The following ARHGEF37 variants were observed in gnomAD, a reference collection of about 807,000 sequenced individuals.
The protein encoded by ARHGEF37 is Rho guanine nucleotide exchange factor 37.
ARHGEF37 carries 55 observed loss-of-function variants against 71.1 expected under a neutral mutation model. The observed-to-expected ratio is 0.77, with a 90% CI of 0.62 to 0.97. The LOEUF (loss-of-function observed/expected upper bound fraction) is 0.97. ARHGEF37 is among the 50% of genes least tolerant of loss of function. The pLI is 0.00. For synonymous variants in ARHGEF37, 327 were observed against 350.6 expected (o/e 0.93, Z 0.75); for missense variants, 765 against 836.8 (o/e 0.91, Z 1.06).
At chr5:149,555,903 C>T (rs1182663813) in intron 1 of ARHGEF37, among the ~76,000 whole-genome samples, 2 of 151,830 alleles carry the variant, frequency 1.3e-5, no homozygotes, top group African/African-American at 2.4e-5. Context: ...ATAGGAGGAT[C>T]GCTTGAGGCC....
chr5:149,598,341 CTT>C (rs2113307140), intron 2 of ARHGEF37, among the ~76,000 whole-genome samples: 1 of 134,954 alleles, frequency 7.4e-6, no homozygotes, highest in East Asian at 2.3e-4. Context: ...TCCTCTTCCT[CTT>C]CCTCTTCTTC....
chr5:149,586,387 G>A (rs571154957), intron 1 of ARHGEF37, among the ~76,000 whole-genome samples: 5 of 152,216 alleles, frequency 3.3e-5, no homozygotes, highest in East Asian at 1.9e-4. Context: ...TCAGCCTCCC[G>A]AGCTGGGACT....
At chr5:149,553,393 C>T (rs2113222968) in intron 1 of ARHGEF37, among the ~76,000 whole-genome samples, 1 of 151,768 alleles carries the variant, frequency 6.6e-6, no homozygotes, top group South Asian at 2.1e-4. Flanking sequence ...AGCGAGACTC[C>T]ACTCCATCTA....
At chr5:149,573,443 C>T (rs1176176755) in intron 1 of ARHGEF37, among the ~76,000 whole-genome samples, 2 of 152,178 alleles carry the variant, frequency 1.3e-5, no homozygotes, top group Non-Finnish European at 2.9e-5. Flanking sequence ...ACTTCATTCA[C>T]GTCACTGCTA....
intron 1 of ARHGEF37, among the ~76,000 whole-genome samples, chr5:149,554,906 G>A (rs1009329243): frequency 6.6e-6 from 1 of 152,096 alleles, no homozygotes; most frequent in Non-Finnish European, 1.5e-5. Flanking sequence ...GCCAAGGCAG[G>A]CGGATCACAA....
intron 1 of ARHGEF37, among the ~76,000 whole-genome samples, chr5:149,597,093 G>C (rs1223601581): frequency 2.0e-5 from 3 of 152,112 alleles, no homozygotes; most frequent in Admixed American, 1.3e-4. Flanking sequence ...AAATGGGGTA[G>C]CTGGTGGGAT....
intron 3 of ARHGEF37, among the ~76,000 whole-genome samples, chr5:149,608,610 A>G (rs1763982716): frequency 6.6e-6 from 1 of 151,818 alleles, no homozygotes; most frequent in Non-Finnish European, 1.5e-5. Context: ...TGACCTCGTG[A>G]TCCACCCGTC....
intron 1 of ARHGEF37, among the ~76,000 whole-genome samples, chr5:149,589,945 G>A (rs373109233): frequency 5.3e-5 from 8 of 152,238 alleles, no homozygotes; most frequent in African/African-American, 1.9e-4. Flanking sequence ...GGGATTACAG[G>A]CATGATCCAC....
intron 1 of ARHGEF37, among the ~76,000 whole-genome samples, chr5:149,570,072 C>A (rs1283101048): frequency 6.6e-6 from 1 of 152,084 alleles, no homozygotes; most frequent in African/African-American, 2.4e-5. Context: ...AGAAAAGATA[C>A]ACAAAGCATA....
chr5:149,598,761 T>TATATATAGATAGATAG (rs1554122094), intron 2 of ARHGEF37, among the ~76,000 whole-genome samples: 1 of 75,796 alleles, frequency 1.3e-5, no homozygotes, highest in African/African-American at 4.9e-5. Flanking sequence ...TATATATAGA[T>TATATATAGATAGATAG]ATAGATATAG....
Position 149,634,811 on chromosome 5 carries a change from A to G in ARHGEF37, c.*2620A>G, listed in dbSNP as rs1334412005. ...CCCTTGCCTCCTGTGATGGAGTGAG[A>G]ACTCTTAAACCCCTCAGGCCCCAAC... On this transcript the variant is annotated 3_prime_UTR_variant, in exon 13 of 13. Coordinates refer to ENST00000333677, the MANE Select transcript of ARHGEF37 (RefSeq NM_001001669.3). 1 of 152,622 alleles carries G rather than the reference A, an allele frequency of 6.6e-6. No individual in the cohort carries two copies. Among genetic ancestry groups the G allele is most frequent in the Non-Finnish European group, 1.5e-5 (1 of 68,040 alleles). 9.5% of individuals were successfully genotyped at this position (152,622 alleles called of 1,614,324 possible).
At chr5:149,595,684 G>T (rs1763525524) in intron 1 of ARHGEF37, among the ~76,000 whole-genome samples, 2 of 152,058 alleles carry the variant, frequency 1.3e-5, no homozygotes, top group Admixed American at 1.3e-4. Flanking sequence ...TTCAGGACAT[G>T]GTTATCTGTG....
Position 149,609,624 on chromosome 5 carries a change from G to T in ARHGEF37, c.387G>T (p.Leu129Phe). The T allele has an allele frequency of 1.9e-6, 3 of 1,613,592 alleles. No individual in the cohort carries two copies. Among genetic ancestry groups the T allele is most frequent in the Non-Finnish European group, 2.5e-6 (3 of 1,180,032 alleles). ...ACTGTGCCAGCTACGACCAGGCCTT[G>T]CTACTGGTGGACACGTACCGGAAGG... ...KVYCASYDQALLLVDTYRKEP... is the reference protein window; with the variant it reads ...KVYCASYDQAFLLVDTYRKEP... The change falls in exon 4 of 13, where the codon TTG becomes TTT. Residue 129 changes from leucine to phenylalanine, a missense_variant. Leu to Phe is a conservative substitution (Grantham distance 22). Around this residue, in one of 5 missense-constraint regions of ARHGEF37, gnomAD observed 201 missense variants for 217.5 expected, o/e 0.92. Transcript: ENST00000333677.
At chr5:149,604,269 A>C (rs997791359) in intron 3 of ARHGEF37, among the ~76,000 whole-genome samples, 1 of 152,230 alleles carries the variant, frequency 6.6e-6, no homozygotes, top group Non-Finnish European at 1.5e-5. Context: ...GTTTCCAGTT[A>C]AAATATGGGA....
intron 1 of ARHGEF37, among the ~76,000 whole-genome samples, chr5:149,566,532 A>C (rs1762901887): frequency 1.4e-5 from 2 of 139,774 alleles, no homozygotes; most frequent in Non-Finnish European, 1.6e-5. Context: ...AACCAACCAA[A>C]CAACAACAAC....
At chr5:149,561,166 G>C (rs1020780159) in intron 1 of ARHGEF37, among the ~76,000 whole-genome samples, 1 of 151,696 alleles carries the variant, frequency 6.6e-6, no homozygotes, top group South Asian at 2.1e-4. Flanking sequence ...CCAGCTACTC[G>C]GGAGGCTGAG....
rs1752498516 is a variant in ARHGEF37 at position 149,620,217 on chromosome 5, A to G, written c.895-137A>G. 1.8e-5 allele frequency: 10 copies of G among 563,416 alleles called. No homozygotes were observed. In the South Asian group the frequency reaches 2.8e-4, roughly 16 times the overall value. 34.9% of individuals were successfully genotyped at this position (563,416 alleles called of 1,614,324 possible). The stretch of plus-strand genomic sequence containing the variant: ...ATCACTTAAGCTGTGTGAGAATAGA[A>G]TCAGCTGTGTGTGTCCCTCTCATTG... On this transcript the variant is annotated intron_variant, in intron 7 of 12. Transcript: ENST00000333677.
chr5:149,602,984 G>GT (rs1419678422), intron 3 of ARHGEF37, among the ~76,000 whole-genome samples: 1 of 152,084 alleles, frequency 6.6e-6, no homozygotes, highest in Non-Finnish European at 1.5e-5. Context: ...CCAGGCTGGA[G>GT]TGCGATGGCA....
chr5:149,600,734 A>G (rs1373479835), intron 2 of ARHGEF37, among the ~76,000 whole-genome samples: 3 of 150,662 alleles, frequency 2.0e-5, no homozygotes, highest in Non-Finnish European at 2.9e-5. Context: ...TCCACCTCCC[A>G]GGTTCAAGCA....
Sources: allele counts gnomAD v4.1 joint callset (sites outside exome capture counted in the v4.1 genomes callset), GRCh38; gene constraint gnomAD v4.1.1; regional missense constraint gnomAD v4.1.1; transcripts MANE v1.5; gene names NCBI Gene and HGNC (gene_info 2026-07-23, HGNC 2026-07-21).